Variants in MROH1 observed in about 807,000 individuals in gnomAD.
MROH1 encodes the protein maestro heat-like repeat-containing protein family member 1.
A neutral mutation model predicts 116.5 loss-of-function variants in MROH1; 117 were observed. The observed-to-expected ratio is 1.00, with a 90% CI of 0.86 to 1.17. The LOEUF is 1.17. Among genes scored for constraint, MROH1 ranks in the 50% most tolerant of loss-of-function variants. The pLI is 0.00. For missense variants in MROH1, 1,873 were observed against 1,338.5 expected, an observed-to-expected ratio of 1.40 and a Z score of -6.23; for synonymous variants, 921 against 583.9, an observed-to-expected ratio of 1.58 and a Z score of -8.32.
chr8:144,257,800 G>C (rs1844179007), intron 35 of MROH1, among the ~76,000 whole-genome samples: 1 of 152,268 alleles, frequency 6.6e-6, no homozygotes, highest in African/African-American at 2.4e-5. Context: ...TGCCGCTCGG[G>C]GGTTGTCTGC....
At chr8:144,218,495 G>T (rs1414130981) in intron 12 of MROH1, among the ~76,000 whole-genome samples, 1 of 151,676 alleles carries the variant, frequency 6.6e-6, no homozygotes, top group East Asian at 1.9e-4. Flanking sequence ...CACATCTTTC[G>T]TCTTTCTGTT....
intron 4 of MROH1, among the ~76,000 whole-genome samples, chr8:144,179,200 G>C (rs1824889241): frequency 6.6e-6 from 1 of 151,960 alleles, no homozygotes; most frequent in Non-Finnish European, 1.5e-5. Flanking sequence ...CTGGAGGAGA[G>C]AAGCCCCCCG....
chr8:144,215,805 A>G (rs1470013026), intron 12 of MROH1, among the ~76,000 whole-genome samples: 1 of 150,512 alleles, frequency 6.6e-6, no homozygotes, highest in African/African-American at 2.4e-5. Context: ...CCTGGGTGGC[A>G]GAGCTTGCAG....
rs1819946912 is a variant in MROH1, at chr8:144,163,057, A to G, written c.-56-714A>G. Reference sequence around the variant, plus strand: ...TGATTTCTTACTTCGCCTCCAACCCATGTGTGCACAGCGCAGGGAGGTGTC... The same window carrying G: ...TGATTTCTTACTTCGCCTCCAACCCGTGTGTGCACAGCGCAGGGAGGTGTC... On this transcript the variant is annotated intron_variant, in intron 2 of 43. Coordinates refer to ENST00000326134, the MANE Select transcript of MROH1 (RefSeq NM_032450.3). The surrounding 1 kb of genome is among the most constrained non-coding windows in gnomAD (Gnocchi z 4.4). Among the ~76,000 whole-genome samples the G allele has an allele frequency of 6.6e-6, 1 of 152,096 alleles. No homozygotes were observed. The highest frequency in any genetic ancestry group is 1.5e-5 in the Non-Finnish European group (1 of 68,018).
intron 12 of MROH1, among the ~76,000 whole-genome samples, chr8:144,216,418 G>A (rs549240075): frequency 1.3e-5 from 2 of 152,184 alleles, no homozygotes; most frequent in South Asian, 4.1e-4. Context: ...AGCTTGCAGT[G>A]AGCCGAGATC....
rs1353630633 is a variant in MROH1, at chr8:144,191,595, C to G, written c.715-120C>G. The stretch of plus-strand genomic sequence containing the variant: ...GGTGCTAGGCTCACGTCCCAGCCCC[C>G]GTAGCACCCACTGGTAGCCCAGTGT... On this transcript the variant is annotated intron_variant, in intron 8 of 43. Coordinates refer to ENST00000326134, the MANE Select transcript of MROH1 (RefSeq NM_032450.3). The G allele has an allele frequency of 3.7e-6, 5 of 1,355,176 alleles. No individual in the cohort carries two copies. The East Asian group carries it at 1.0e-4, about 27-fold the overall frequency. The allele number at this position is 1,355,176 out of a possible 1,614,324, so 83.9% of individuals were successfully genotyped here. A position where few individuals can be genotyped will look rare whatever the true frequency, so the allele number is the denominator to read the frequency against.
intron 4 of MROH1, among the ~76,000 whole-genome samples, chr8:144,172,356 C>G (rs527971652): frequency 1.1e-4 from 17 of 152,220 alleles, no homozygotes; most frequent in Middle Eastern, 6.8e-3. Context: ...CCCTTTAATT[C>G]AGGCGTTTCT....
rs1844834061 is a variant in MROH1, at chr8:144,260,518, C to A, written c.4380+144C>A. 6.9e-6 allele frequency: 5 copies of A among 723,308 alleles called. No individual in the cohort carries two copies. In the Admixed American group the frequency reaches 7.6e-5, roughly 11 times the overall value. 44.8% of individuals were successfully genotyped at this position (723,308 alleles called of 1,614,324 possible). A position where few individuals can be genotyped will look rare whatever the true frequency, so the allele number is the denominator to read the frequency against. On this transcript the variant is annotated intron_variant, in intron 39 of 43. Coordinates refer to ENST00000326134, the MANE Select transcript of MROH1 (RefSeq NM_032450.3). ...AGAGCGCGGACCTGCAGGGCTGCTG[C>A]TTTGCTGGGCCTGGCAGCCCCCACC...
chr8:144,223,255 C>A, intron 14 of MROH1, 25 bp downstream of exon 14: 1 of 1,576,612 alleles, frequency 6.3e-7, no homozygotes, highest in East Asian at 2.3e-5. Flanking sequence ...CCTTGCCTGC[C>A]TCCTAGGCCC....
intron 33 of MROH1, 119 bp downstream of exon 33, chr8:144,250,485 C>A: frequency 2.9e-6 from 2 of 699,654 alleles, no homozygotes; most frequent in South Asian, 3.0e-5. Flanking sequence ...GTTCCCATGG[C>A]TGTAGGCCAC....
At position 144,260,848 on chromosome 8, in the gene MROH1, G is replaced by T; in HGVS notation, c.4536+16G>T. The T allele has an allele frequency of 1.3e-6, 1 of 777,830 alleles. No individual in the cohort carries two copies. Among genetic ancestry groups the T allele is most frequent in the Non-Finnish European group, 2.4e-6 (1 of 417,730 alleles). The allele number at this position is 777,830 out of a possible 1,614,324, so 48.2% of individuals were successfully genotyped here. A position where few individuals can be genotyped will look rare whatever the true frequency, so the allele number is the denominator to read the frequency against. On this transcript the variant is annotated intron_variant, in intron 40 of 43. Transcript: ENST00000326134. ...CGTGGCCAGCGTGAGTAGCCAGGGG[G>T]TGAGTGGGATGGGGTGGGTGGCCTC...
In MROH1 at chr8:144,233,745, T is replaced by C. The variant is rs144743531; in HGVS notation, c.1339-5011T>C. Among the ~76,000 whole-genome samples, 236 of 152,346 alleles carry C rather than the reference T, an allele frequency of 1.5e-3. 1 individual carries two copies. The highest frequency in any genetic ancestry group is 6.8e-3 in the Middle Eastern group (2 of 294). ...AGTGCTTATCCCACTTGTCCCTTCA[T>C]GGACACTCGGGGTGCTGCCACCTTC... On this transcript the variant is annotated intron_variant, in intron 14 of 43. Transcript: ENST00000326134.
chr8:144,181,097 C>T (rs1258621973), intron 7 of MROH1, among the ~76,000 whole-genome samples: 1 of 152,158 alleles, frequency 6.6e-6, no homozygotes, highest in Non-Finnish European at 1.5e-5. Flanking sequence ...CTGAGCTACC[C>T]TTAGTGCCCT....
intron 2 of MROH1, 35 bp downstream of exon 2, chr8:144,161,124 C>G (rs1451686602): frequency 6.6e-6 from 1 of 152,586 alleles, no homozygotes; most frequent in East Asian, 1.9e-4. Context: ...TTCTCCTCCC[C>G]GCTCTTCTGT....
At chr8:144,222,501 T>C (rs1462688348) in intron 13 of MROH1, among the ~76,000 whole-genome samples, 1 of 152,080 alleles carries the variant, frequency 6.6e-6, no homozygotes, top group Non-Finnish European at 1.5e-5. Flanking sequence ...CAGGCGCAGG[T>C]GCAGGTGCAG....
intron 12 of MROH1, chr8:144,213,042 G>T (rs772813232): frequency 1.3e-6 from 1 of 779,710 alleles, no homozygotes; most frequent in Non-Finnish European, 2.4e-6. Context: ...GCAGTCACAC[G>T]ACTGAAACAT....
chr8:144,165,879 CATTT>C lies in MROH1; in HGVS notation c.22+2036_22+2039del, dbSNP rs1327854219. 4.0e-5 allele frequency among the ~76,000 whole-genome samples: 6 copies of C among 150,348 alleles called. No homozygotes were observed. In the East Asian group the frequency reaches 1.2e-3, roughly 30 times the overall value. ...GGAGCCACTGTGCCCGGCCATCAGG[CATTT>C]ATTTTTTCCCCATCGAGATGGAGTC... On this transcript the variant is annotated intron_variant, in intron 3 of 43. Coordinates refer to ENST00000326134, the MANE Select transcript of MROH1 (RefSeq NM_032450.3).
At chr8:144,196,338 A>G (rs542630849) in intron 10 of MROH1, among the ~76,000 whole-genome samples, 1 of 151,550 alleles carries the variant, frequency 6.6e-6, no homozygotes, top group Admixed American at 6.6e-5. Flanking sequence ...AGTTCTCCCA[A>G]TTTCCCCTAC....
rs563760524 is a variant in MROH1 at position 144,180,501 on chromosome 8, G to A, written c.540G>A (p.Thr180=). 2.0e-4 allele frequency: 327 copies of A among 1,611,114 alleles called. 2 individuals carry two copies. The South Asian group carries it at 3.1e-3, about 15-fold the overall frequency. The change falls in exon 7 of 44, where the codon ACG becomes ACA. Residue 180 remains threonine (T), a synonymous_variant. Coordinates refer to ENST00000326134, the MANE Select transcript of MROH1 (RefSeq NM_032450.3). The surrounding 1 kb of genome is among the most constrained non-coding windows in gnomAD (Gnocchi z 7.4). ...TGCTGGGCGTGGCCAAGCAGGACAC[G>A]GTGCGCGTGGCCTTCTGCTCCGGTA... ...LPVLGVAKQD[T]VRVAFCSALQ... is the part of the protein sequence containing the mutation.
Sources: gnomAD v4.1 joint callset for allele counts (sites outside exome capture counted in the v4.1 genomes callset) on GRCh38, gnomAD v4.1.1 for gene constraint, Gnocchi (gnomAD v3.1) non-coding constraint, MANE v1.5 for transcripts, NCBI Gene and HGNC (gene_info 2026-07-23, HGNC 2026-07-21) for gene names.